RNF185: variants seen among roughly 807,000 people sequenced by gnomAD.
RNF185 encodes the protein E3 ubiquitin-protein ligase RNF185.
RNF185 carries 13 observed loss-of-function variants against 24.9 expected under a neutral mutation model. The observed-to-expected ratio is 0.52, with a 90% CI of 0.34 to 0.83. The LOEUF is 0.83. Ranked by LOEUF, RNF185 falls within the 40% of genes least tolerant of loss-of-function variation. RNF185 has a pLI of 0.01. For synonymous variants in RNF185, 79 were observed against 90.3 expected, an observed-to-expected ratio of 0.88 and a Z score of 0.71; for missense variants, 184 against 244.7, an observed-to-expected ratio of 0.75 and a Z score of 1.65.
intron 3 of RNF185, among the ~76,000 whole-genome samples, chr22:31,193,897 A>ATT (rs113727137): frequency 0.08 from 11,512 of 143,520 alleles, 745 homozygotes; most frequent in East Asian, 0.4. Context: ...AAGAAAATTA[A>ATT]TTTTTTTTTT....
At chr22:31,173,424 C>CACACACACAG (rs1602796685) in intron 1 of RNF185, among the ~76,000 whole-genome samples, 2 of 151,048 alleles carry the variant, frequency 1.3e-5, no homozygotes, top group East Asian at 3.9e-4. Flanking sequence ...CAGACACACA[C>CACACACACAG]ACACACACAC....
chr22:31,202,548 C>T (rs116098528), intron 6 of RNF185, among the ~76,000 whole-genome samples: 19 of 150,074 alleles, frequency 1.3e-4, no homozygotes, highest in African/African-American at 2.2e-4. Context: ...TGTCTGTCTT[C>T]GTGAATCCAT....
intron 1 of RNF185, among the ~76,000 whole-genome samples, chr22:31,182,143 ACT>A (rs1319501389): frequency 3.3e-5 from 4 of 120,542 alleles, no homozygotes; most frequent in Non-Finnish European, 5.0e-5. Flanking sequence ...CAGGGTTTCC[ACT>A]CTGTCACCCA....
At chr22:31,160,424 G>C (rs1002095169) in intron 1 of RNF185, 121 bp downstream of exon 1, 1 of 152,238 alleles carries the variant, frequency 6.6e-6, no homozygotes, top group African/African-American at 2.4e-5. Flanking sequence ...CCCAGAGACA[G>C]CAAGACCGGT....
chr22:31,196,283 C>G (rs986530407), intron 4 of RNF185, among the ~76,000 whole-genome samples: 1 of 152,192 alleles, frequency 6.6e-6, no homozygotes, highest in African/African-American at 2.4e-5. Context: ...CTGTCTTCTT[C>G]ACATTAGTTG....
chr22:31,175,463 A>AG (rs2047974033), intron 1 of RNF185, among the ~76,000 whole-genome samples: 1 of 152,118 alleles, frequency 6.6e-6, no homozygotes, highest in African/African-American at 2.4e-5. Context: ...AAAAAAAAAA[A>AG]AAAGCCATAT....
intron 3 of RNF185, among the ~76,000 whole-genome samples, chr22:31,193,487 T>C (rs2048174703): frequency 1.3e-5 from 2 of 152,160 alleles, no homozygotes; most frequent in African/African-American, 4.8e-5. Context: ...TTCATGTTTA[T>C]AGAATGTCTA....
Position 31,202,607 on chromosome 22 carries a change from C to CTT in RNF185, c.481+1014_481+1015dup, listed in dbSNP as rs71202049. Among the ~76,000 whole-genome samples, 240 of 83,732 alleles carry CTT rather than the reference C, an allele frequency of 2.9e-3. 5 individuals carry two copies. Among genetic ancestry groups the CTT allele is most frequent in the Admixed American group, 3.7e-3 (24 of 6,492 alleles). 54.9% of individuals were successfully genotyped at this position (83,732 alleles called of 152,430 possible). A position where few individuals can be genotyped will look rare whatever the true frequency, so the allele number is the denominator to read the frequency against. On this transcript the variant is annotated intron_variant, in intron 6 of 6. Transcript: ENST00000326132. ...CAGCACCAAGATATCTTGGGAATGC[C>CTT]TTTTTTTTTTTTTTTTTTTTTTTGA...
intron 1 of RNF185, among the ~76,000 whole-genome samples, chr22:31,182,086 C>A (rs1210029208): frequency 6.7e-6 from 1 of 148,970 alleles, no homozygotes; most frequent in African/African-American, 2.5e-5. Context: ...CATTATTATA[C>A]CCAACAAAAT....
chr22:31,180,517 T>TA (rs2048024806), intron 1 of RNF185, among the ~76,000 whole-genome samples: 1 of 139,372 alleles, frequency 7.2e-6, no homozygotes, highest in East Asian at 2.1e-4. Flanking sequence ...TCCACATTGT[T>TA]AAAGACTTTT....
intron 4 of RNF185, 109 bp downstream of exon 4, chr22:31,195,690 G>A (rs2048199448): frequency 1.4e-6 from 1 of 712,238 alleles, no homozygotes; most frequent in African/African-American, 1.8e-5. Flanking sequence ...TGATCTCTTG[G>A]TTTCGAAGCA....
chr22:31,196,281 T>C (rs2147958867), intron 4 of RNF185, among the ~76,000 whole-genome samples: 1 of 152,292 alleles, frequency 6.6e-6, no homozygotes, highest in South Asian at 2.1e-4. Context: ...GTCTGTCTTC[T>C]TCACATTAGT....
chr22:31,184,463 C>G lies in RNF185; in HGVS notation c.-48-2584C>G, dbSNP rs571526975. ...GGCTGGGCAGAGGGGCTCCTCACAT[C>G]CCAGACGATGGGCGGCCAGGCAGAG... On this transcript the variant is annotated intron_variant, in intron 1 of 6. Transcript: ENST00000326132. Among the ~76,000 whole-genome samples the G allele has an allele frequency of 5.3e-5, 8 of 152,082 alleles. No individual in the cohort carries two copies. In the South Asian group the frequency reaches 1.7e-3, roughly 32 times the overall value.
intron 1 of RNF185, among the ~76,000 whole-genome samples, chr22:31,166,507 C>T (rs1239602190): frequency 6.6e-6 from 1 of 152,130 alleles, no homozygotes; most frequent in African/African-American, 2.4e-5. Flanking sequence ...GAAGAAAACA[C>T]ACACTTTAAT....
At chr22:31,182,053 G>C (rs1602816574) in intron 1 of RNF185, among the ~76,000 whole-genome samples, 1 of 132,548 alleles carries the variant, frequency 7.5e-6, no homozygotes, top group Non-Finnish European at 1.6e-5. Context: ...ATCAGGTTTT[G>C]TTTAAAAAAA....
intron 6 of RNF185, among the ~76,000 whole-genome samples, chr22:31,202,967 A>G (rs2048278045): frequency 6.6e-6 from 1 of 152,076 alleles, no homozygotes; most frequent in Non-Finnish European, 1.5e-5. Context: ...CTCTGTTCAC[A>G]TTTGTTTTTC....
chr22:31,198,641 C>A (rs1373160563), intron 5 of RNF185, among the ~76,000 whole-genome samples: 1 of 150,082 alleles, frequency 6.7e-6, no homozygotes, highest in Non-Finnish European at 1.5e-5. Context: ...TCAGATGATC[C>A]GCCCTCCTTG....
intron 1 of RNF185, among the ~76,000 whole-genome samples, chr22:31,175,582 G>T (rs901641416): frequency 2.0e-5 from 3 of 152,008 alleles, no homozygotes; most frequent in African/African-American, 7.3e-5. Context: ...GGGGTATTCA[G>T]CACTGTCTCA....
At chr22:31,181,940 A>G (rs1446744602) in intron 1 of RNF185, among the ~76,000 whole-genome samples, 1 of 152,008 alleles carries the variant, frequency 6.6e-6, no homozygotes, top group Non-Finnish European at 1.5e-5. Flanking sequence ...CCAACATAGC[A>G]CATGTATACA....
Sources: gnomAD v4.1 joint callset for allele counts (sites outside exome capture counted in the v4.1 genomes callset) on GRCh38, gnomAD v4.1.1 for gene constraint, MANE v1.5 for transcripts, NCBI Gene and HGNC (gene_info 2026-07-23, HGNC 2026-07-21) for gene names.